Variants in TSPAN9 observed in about 807,000 individuals in gnomAD.
TSPAN9 encodes tetraspanin-9.
A neutral mutation model predicts 31.0 loss-of-function variants in TSPAN9; 16 were observed. That is an observed-to-expected ratio of 0.52 (90% CI 0.35 to 0.78). TSPAN9 has a LOEUF of 0.78. TSPAN9 is among the 30% of genes least tolerant of loss of function. The pLI is 0.01. For synonymous variants in TSPAN9, 145 were observed against 121.6 expected (o/e 1.19, Z -1.27); for missense variants, 272 against 312.5 (o/e 0.87, Z 0.98).
intron 2 of TSPAN9, among the ~76,000 whole-genome samples, chr12:3,145,963 G>C (rs1165879992): frequency 6.6e-6 from 1 of 152,208 alleles, no homozygotes; most frequent in Non-Finnish European, 1.5e-5. Flanking sequence ...GCACTGGCTT[G>C]GCCTTGCGAG....
intron 3 of TSPAN9, among the ~76,000 whole-genome samples, chr12:3,233,104 T>C (rs561423773): frequency 6.6e-6 from 1 of 152,298 alleles, no homozygotes; most frequent in South Asian, 2.1e-4. Flanking sequence ...CTTGAGACTT[T>C]GCTGGCTAGG....
rs549831249 is a variant in TSPAN9, at chr12:3,102,048, A to G, written c.-18+18329A>G. 3.1e-4 allele frequency among the ~76,000 whole-genome samples: 47 copies of G among 152,212 alleles called. No homozygotes were observed. In the South Asian group the frequency reaches 4.4e-3, roughly 14 times the overall value. ...AAGGATGGTTTGCTGCACATTGTAG[A>G]GGCTCAGTTAGTAGTGGTGCTGGCA... On this transcript the variant is annotated intron_variant, in intron 2 of 8. Transcript: ENST00000011898.
intron 2 of TSPAN9, among the ~76,000 whole-genome samples, chr12:3,119,195 C>T (rs2098323976): frequency 6.6e-6 from 1 of 152,080 alleles, no homozygotes; most frequent in African/African-American, 2.4e-5. Context: ...ATAAAGTGGC[C>T]AAGGGTGGAT....
intron 2 of TSPAN9, among the ~76,000 whole-genome samples, chr12:3,152,056 C>A (rs2098340037): frequency 6.6e-6 from 1 of 152,248 alleles, no homozygotes; most frequent in Non-Finnish European, 1.5e-5. Flanking sequence ...GCGCAGACAA[C>A]TCTGAGGAAT....
At position 3,194,471 on chromosome 12, in the gene TSPAN9, C is replaced by T. The variant is rs145984762; in HGVS notation, c.-17-6706C>T. ...GCACAATCATGGCTCACTGCAGCCT[C>T]GACCTCCCGGGTTCAAGTGATCCTC... On this transcript the variant is annotated intron_variant, in intron 2 of 8. Coordinates refer to ENST00000011898, the MANE Select transcript of TSPAN9 (RefSeq NM_006675.5). 5.3e-5 allele frequency among the ~76,000 whole-genome samples: 8 copies of T among 152,236 alleles called. No homozygotes were observed. The East Asian group carries it at 7.7e-4, about 15-fold the overall frequency.
chr12:3,232,478 T>C (rs547678696), intron 3 of TSPAN9, among the ~76,000 whole-genome samples: 81 of 152,324 alleles, frequency 5.3e-4, no homozygotes, highest in African/African-American at 1.9e-3. Context: ...GCTTTCCGTC[T>C]CCTGCCTTCT....
intron 2 of TSPAN9, among the ~76,000 whole-genome samples, chr12:3,180,514 C>T (rs895738267): frequency 7.2e-5 from 11 of 152,102 alleles, no homozygotes; most frequent in Non-Finnish European, 1.2e-4. Context: ...CCCACTCAGC[C>T]GATTTTATAA....
chr12:3,151,684 T>A (rs1407567476), intron 2 of TSPAN9, among the ~76,000 whole-genome samples: 2 of 152,162 alleles, frequency 1.3e-5, no homozygotes, highest in Non-Finnish European at 2.9e-5. Context: ...AACCCAGATA[T>A]GAAACAGAAT....
intron 2 of TSPAN9, among the ~76,000 whole-genome samples, chr12:3,198,837 A>AC (rs753145652): frequency 0.013 from 173 of 13,066 alleles, 18 homozygotes; most frequent in East Asian, 0.09. Context: ...AGCACAGGTC[A>AC]CACCAGCACA....
chr12:3,135,514 C>G (rs1221050408), intron 2 of TSPAN9, among the ~76,000 whole-genome samples: 1 of 152,182 alleles, frequency 6.6e-6, no homozygotes, highest in African/African-American at 2.4e-5. Context: ...CCCTCTGCTT[C>G]CTGCTAGGTT....
chr12:3,123,623 GT>G (rs1482541386), intron 2 of TSPAN9, among the ~76,000 whole-genome samples: 2 of 67,028 alleles, frequency 3.0e-5, no homozygotes. Flanking sequence ...TTATTATTAT[GT>G]ATTTTTTTTT....
Position 3,280,288 on chromosome 12 carries a change from T to C in TSPAN9, c.331-94T>C, listed in dbSNP as rs778751066. 856 of 1,143,038 alleles carry C rather than the reference T, an allele frequency of 7.5e-4. 4 individuals carry two copies. The highest frequency in any genetic ancestry group is 9.4e-4 in the Non-Finnish European group (731 of 775,470). The allele number at this position is 1,143,038 out of a possible 1,614,324, so 70.8% of individuals were successfully genotyped here. A position where few individuals can be genotyped will look rare whatever the true frequency, so the allele number is the denominator to read the frequency against. ...CCTTCCCTGCCTTCCTCACTCCTCA[T>C]CTGTCACCCACCATCCTGGGTGACC... On this transcript the variant is annotated intron_variant, in intron 5 of 8. Transcript: ENST00000011898. This position sits in a 1 kb window ranked among gnomAD's most constrained non-coding sequence, Gnocchi z 4.5.
chr12:3,103,144 A>T (rs1030991469), intron 2 of TSPAN9, among the ~76,000 whole-genome samples: 16 of 152,258 alleles, frequency 1.1e-4, no homozygotes, highest in Non-Finnish European at 1.3e-4. Context: ...GTTTTGTCCT[A>T]CTTCTTAAAA....
intron 2 of TSPAN9, among the ~76,000 whole-genome samples, chr12:3,100,000 C>T (rs578039435): frequency 6.6e-6 from 1 of 152,188 alleles, no homozygotes; most frequent in Non-Finnish European, 1.5e-5. Context: ...TGCCACCATG[C>T]CTGGCTAATT....
Position 3,147,813 on chromosome 12 carries a change from G to C in TSPAN9, c.-17-53364G>C, listed in dbSNP as rs970968906. ...TCACCTGCAGTGTTGGCTCACACTG[G>C]TGGGTGCCCTTTGGTGAGAGGTGCG... On this transcript the variant is annotated intron_variant, in intron 2 of 8. Transcript: ENST00000011898. The surrounding 1 kb of genome is among the most constrained non-coding windows in gnomAD (Gnocchi z 4.3). Among the ~76,000 whole-genome samples the C allele has an allele frequency of 2.0e-5, 3 of 152,208 alleles. No individual in the cohort carries two copies. The highest frequency in any genetic ancestry group is 7.2e-5 in the African/African-American group (3 of 41,452).
chr12:3,078,046 G>T (rs7134456), intron 1 of TSPAN9, among the ~76,000 whole-genome samples: 2,467 of 152,304 alleles, frequency 0.016, 61 homozygotes, highest in African/African-American at 0.057. Context: ...CAAGAAACCG[G>T]CTTGTTGTTG....
rs2098351253 is a variant in TSPAN9, at chr12:3,170,621, C to T, written c.-17-30556C>T. Among the ~76,000 whole-genome samples the T allele has an allele frequency of 6.6e-6, 1 of 152,004 alleles. No individual in the cohort carries two copies. Among genetic ancestry groups the T allele is most frequent in the East Asian group, 1.9e-4 (1 of 5,172 alleles). ...GGGTCGTGATGGGGGAGCAGATGGC[C>T]CTGGTCATGCATGTGGCTTCTCCTG... is the stretch of plus-strand genomic sequence containing the variant. On this transcript the variant is annotated intron_variant, in intron 2 of 8. Coordinates refer to ENST00000011898, the MANE Select transcript of TSPAN9 (RefSeq NM_006675.5). This position sits in a 1 kb window ranked among gnomAD's most constrained non-coding sequence, Gnocchi z 4.4.
chr12:3,227,275 G>A (rs2098388350), intron 3 of TSPAN9, among the ~76,000 whole-genome samples: 1 of 152,188 alleles, frequency 6.6e-6, no homozygotes, highest in Admixed American at 6.5e-5. Flanking sequence ...GAAGTCATCG[G>A]CTGTACATGT....
chr12:3,242,674 G>A (rs1287555178), intron 3 of TSPAN9, among the ~76,000 whole-genome samples: 5 of 152,228 alleles, frequency 3.3e-5, no homozygotes, highest in South Asian at 2.1e-4. Flanking sequence ...AGCGGTCACC[G>A]GGCGTGACTC....
Sources: gnomAD v4.1 joint callset for allele counts (sites outside exome capture counted in the v4.1 genomes callset) on GRCh38, gnomAD v4.1.1 for gene constraint, Gnocchi (gnomAD v3.1) non-coding constraint, MANE v1.5 for transcripts, NCBI Gene and HGNC (gene_info 2026-07-23, HGNC 2026-07-21) for gene names.